YEATS4: variants seen among roughly 807,000 people sequenced by gnomAD.
YEATS4 encodes YEATS domain containing 4, also known as YEATS domain-containing protein 4.
Under a neutral mutation model 30.1 loss-of-function variants are expected in YEATS4, and 17 were observed. The observed-to-expected ratio is 0.56, with a 90% CI of 0.39 to 0.85. The LOEUF (loss-of-function observed/expected upper bound fraction) is 0.85. Among genes scored for constraint, YEATS4 ranks in the 40% least tolerant of loss-of-function variants. The pLI is 0.00. For synonymous variants in YEATS4, 85 were observed against 87.5 expected (o/e 0.97, Z 0.16); for missense variants, 142 against 268.3 (o/e 0.53, Z 3.29).
At chr12:69,395,212 G>GA (rs1045506947), downstream of YEATS4, among the ~76,000 whole-genome samples, 2 of 150,158 alleles carry the variant, frequency 1.3e-5, no homozygotes, top group South Asian at 4.2e-4. Context: ...AAGGGAAAAG[G>GA]AAAAAAATAA....
the YEATS4 span, among the ~76,000 whole-genome samples, chr12:69,402,709 T>C: frequency 6.7e-6 from 1 of 148,498 alleles, no homozygotes; most frequent in Admixed American, 6.9e-5. Flanking sequence ...CTTTGCTATT[T>C]TTCTTTCTTT....
the YEATS4 span, among the ~76,000 whole-genome samples, chr12:69,412,478 G>A: frequency 2.0e-5 from 3 of 151,814 alleles, no homozygotes; most frequent in East Asian, 1.9e-4. Flanking sequence ...GTGAAACCCC[G>A]TCTCTACTAA....
At chr12:69,411,236 C>T in the YEATS4 span, among the ~76,000 whole-genome samples, 33 of 152,110 alleles carry the variant, frequency 2.2e-4, no homozygotes, top group African/African-American at 7.0e-4. Flanking sequence ...CTCAGGTGAT[C>T]CTCCCACCTC....
chr12:69,419,142 G>C, the YEATS4 span, among the ~76,000 whole-genome samples: 1 of 145,430 alleles, frequency 6.9e-6, no homozygotes, highest in Non-Finnish European at 1.5e-5. Context: ...TCACTTTCCT[G>C]TTCTCAGTCA....
At chr12:69,401,377 G>A in the YEATS4 span, among the ~76,000 whole-genome samples, 1 of 152,196 alleles carries the variant, frequency 6.6e-6, no homozygotes, top group Non-Finnish European at 1.5e-5. Flanking sequence ...ATTACCAGGA[G>A]TTATTTTGGG....
chr12:69,388,418 G>A (rs1195937234), intron 6 of YEATS4, among the ~76,000 whole-genome samples: 1 of 152,196 alleles, frequency 6.6e-6, no homozygotes, highest in Non-Finnish European at 1.5e-5. Context: ...GGAAGCAAGG[G>A]TTTATTTGAA....
chr12:69,359,776 T>G lies in YEATS4; in HGVS notation c.-197T>G. 1 of 616,444 alleles carries G rather than the reference T, an allele frequency of 1.6e-6. No individual in the cohort carries two copies. Among genetic ancestry groups the G allele is most frequent in the Admixed American group, 3.3e-5 (1 of 30,216 alleles). 38.2% of individuals were successfully genotyped at this position (616,444 alleles called of 1,614,324 possible). A position where few individuals can be genotyped will look rare whatever the true frequency, so the allele number is the denominator to read the frequency against. On this transcript the variant is annotated 5_prime_UTR_variant, in exon 1 of 7. Transcript: ENST00000247843. ...GCGGCGTTCTCCACCTGCGCGGGCCTGAATGGCCTTCAGGAGCACAGTCGG... is the reference window on the plus strand; with the variant it reads ...GCGGCGTTCTCCACCTGCGCGGGCCGGAATGGCCTTCAGGAGCACAGTCGG...
the YEATS4 span, among the ~76,000 whole-genome samples, chr12:69,401,404 G>A: frequency 6.6e-6 from 1 of 152,210 alleles, no homozygotes; most frequent in Non-Finnish European, 1.5e-5. Context: ...CAGTGAAACT[G>A]GAGCTGGTGT....
chr12:69,367,585 C>CA (rs1181390781), intron 4 of YEATS4, among the ~76,000 whole-genome samples: 1 of 152,160 alleles, frequency 6.6e-6, no homozygotes, highest in Non-Finnish European at 1.5e-5. Flanking sequence ...AGGCTGATCT[C>CA]AAACTCCTGG....
At chr12:69,362,013 G>GTTTTTTTTTTTTTTTTTTTTTTT (rs533225716) in intron 1 of YEATS4, among the ~76,000 whole-genome samples, 9 of 69,078 alleles carry the variant, frequency 1.3e-4, no homozygotes, top group African/African-American at 4.0e-4. Context: ...GTGTTTGGTT[G>GTTTTTTTTTTTTTTTTTTTTTTT]TTTTTTTTTT....
chr12:69,383,020 A>C (rs2603089), intron 6 of YEATS4, among the ~76,000 whole-genome samples: 2 of 151,832 alleles, frequency 1.3e-5, no homozygotes, highest in Non-Finnish European at 2.9e-5. Flanking sequence ...AGCACATTAG[A>C]GGGGCTAGCA....
At chr12:69,411,108 T>C in the YEATS4 span, among the ~76,000 whole-genome samples, 1 of 152,218 alleles carries the variant, frequency 6.6e-6, no homozygotes, top group Non-Finnish European at 1.5e-5. Flanking sequence ...GCACCTTGTG[T>C]GTACCAAGTA....
At chr12:69,367,830 C>T (rs973021157) in intron 4 of YEATS4, among the ~76,000 whole-genome samples, 1 of 152,194 alleles carries the variant, frequency 6.6e-6, no homozygotes, top group Admixed American at 6.5e-5. Context: ...TCATATGTTA[C>T]TAGAGTAGAA....
intron 6 of YEATS4, among the ~76,000 whole-genome samples, chr12:69,371,584 G>A (rs1156729854): frequency 6.6e-6 from 1 of 152,174 alleles, no homozygotes; most frequent in African/African-American, 2.4e-5. Context: ...TGATGTTACT[G>A]TTCAGTCATT....
the YEATS4 span, among the ~76,000 whole-genome samples, chr12:69,423,864 G>A: frequency 6.6e-6 from 1 of 152,120 alleles, no homozygotes; most frequent in Non-Finnish European, 1.5e-5. Flanking sequence ...AATCTAGGGT[G>A]GGGACATGCA....
the YEATS4 span, among the ~76,000 whole-genome samples, chr12:69,418,311 G>A: frequency 6.6e-6 from 1 of 152,134 alleles, no homozygotes; most frequent in African/African-American, 2.4e-5. Context: ...AATTAGCGGG[G>A]TAGGATGGCA....
Position 69,388,048 on chromosome 12 carries a change from A to AT in YEATS4, c.515-2091dup, listed in dbSNP as rs796593282. ...TCATTAATATTCATTGAATTTTTTT[A>AT]TTTTTTTTATTTTTATTTTTTTTTT... On this transcript the variant is annotated intron_variant, in intron 6 of 6. Coordinates refer to ENST00000247843, the MANE Select transcript of YEATS4 (RefSeq NM_006530.4). Among the ~76,000 whole-genome samples, 178 of 72,260 alleles carry AT rather than the reference A, an allele frequency of 2.5e-3. 4 individuals are homozygous for AT. In the Middle Eastern group the frequency reaches 0.036, roughly 14 times the overall value. 47.4% of individuals were successfully genotyped at this position (72,260 alleles called of 152,430 possible).
chr12:69,365,956 G>A, intron 4 of YEATS4, 72 bp downstream of exon 4: 8 of 1,125,380 alleles, frequency 7.1e-6, no homozygotes, highest in Non-Finnish European at 1.0e-5. Context: ...AATACTTAAT[G>A]AATAGTGTTC....
chr12:69,383,106 T>A (rs4761239), intron 6 of YEATS4, among the ~76,000 whole-genome samples: 60,818 of 151,822 alleles, frequency 0.4, 12,476 homozygotes, highest in Non-Finnish European at 0.46. Flanking sequence ...ACAAAAAAAA[T>A]TTTTTTAATT....
Sources: allele counts gnomAD v4.1 joint callset (sites outside exome capture counted in the v4.1 genomes callset), GRCh38; gene constraint gnomAD v4.1.1; transcripts MANE v1.5; gene names NCBI Gene and HGNC (gene_info 2026-07-23, HGNC 2026-07-21).